SH3D19: variants seen among roughly 807,000 people sequenced by gnomAD.
SH3D19 encodes the protein SH3 domain containing 19.
SH3D19 carries 58 observed loss-of-function variants against 112.1 expected under a neutral mutation model. The observed-to-expected ratio is 0.52, with a 90% CI of 0.42 to 0.64. SH3D19 has a LOEUF of 0.64. Ranked by LOEUF, SH3D19 falls within the 30% of genes least tolerant of loss-of-function variation. SH3D19 has a pLI of 0.00. For missense variants in SH3D19, 1,090 were observed against 1,263.4 expected, an observed-to-expected ratio of 0.86 and a Z score of 2.08; for synonymous variants, 391 against 448.5, an observed-to-expected ratio of 0.87 and a Z score of 1.62.
intron 1 of SH3D19, among the ~76,000 whole-genome samples, chr4:151,292,984 G>A (rs1775449513): frequency 6.6e-6 from 1 of 151,976 alleles, no homozygotes; most frequent in African/African-American, 2.4e-5. Flanking sequence ...GCCAGGCATG[G>A]TGGCGGGTGC....
intron 1 of SH3D19, among the ~76,000 whole-genome samples, chr4:151,287,619 T>C (rs1301166317): frequency 6.6e-6 from 1 of 152,024 alleles, no homozygotes; most frequent in Non-Finnish European, 1.5e-5. Context: ...CTTTTTAGGA[T>C]GTGGTGACTC....
At chr4:151,318,915 A>G (rs1042070059) in intron 1 of SH3D19, among the ~76,000 whole-genome samples, 1 of 152,208 alleles carries the variant, frequency 6.6e-6, no homozygotes, top group Non-Finnish European at 1.5e-5. Context: ...TCTTCTTTAA[A>G]GTGTAACAGT....
intron 1 of SH3D19, among the ~76,000 whole-genome samples, chr4:151,278,036 G>A (rs1309715992): frequency 2.0e-5 from 3 of 151,284 alleles, no homozygotes; most frequent in Non-Finnish European, 4.4e-5. Context: ...GTAAGACCCC[G>A]TCCCCCCAAA....
At chr4:151,298,627 G>T (rs776826584) in intron 1 of SH3D19, among the ~76,000 whole-genome samples, 1 of 131,228 alleles carries the variant, frequency 7.6e-6, no homozygotes, top group Non-Finnish European at 1.7e-5. Flanking sequence ...GAGAGGGCAG[G>T]ACTAGAGAAA....
At chr4:151,240,968 C>G (rs1238331412) in intron 1 of SH3D19, among the ~76,000 whole-genome samples, 1 of 151,868 alleles carries the variant, frequency 6.6e-6, no homozygotes, top group Non-Finnish European at 1.5e-5. Context: ...GAACGAAGTA[C>G]TGGTCCATGC....
At chr4:151,315,174 C>G (rs1369043608) in intron 1 of SH3D19, among the ~76,000 whole-genome samples, 1 of 152,182 alleles carries the variant, frequency 6.6e-6, no homozygotes, top group Non-Finnish European at 1.5e-5. Context: ...ATTATTCACC[C>G]TTTCTAGGCC....
intron 1 of SH3D19, among the ~76,000 whole-genome samples, chr4:151,314,508 C>T (rs1193765320): frequency 6.6e-6 from 1 of 152,158 alleles, no homozygotes; most frequent in Non-Finnish European, 1.5e-5. Context: ...ACCTAACTAA[C>T]ATGTCCAAGG....
intron 2 of SH3D19, among the ~76,000 whole-genome samples, chr4:151,209,701 A>G (rs1765655717): frequency 6.6e-6 from 1 of 152,334 alleles, no homozygotes; most frequent in Admixed American, 6.5e-5. Context: ...AAATTTGGGC[A>G]CAGACAGTCC....
intron 3 of SH3D19, 36 bp from the exon 4 acceptor site, chr4:151,179,433 T>G (rs1031227859): frequency 9.0e-5 from 107 of 1,194,454 alleles, no homozygotes; most frequent in Admixed American, 2.1e-4. Context: ...TAGTACAAAA[T>G]TAGTATGTTT....
chr4:151,201,083 T>C (rs537131510), intron 2 of SH3D19, among the ~76,000 whole-genome samples: 14 of 152,344 alleles, frequency 9.2e-5, no homozygotes, highest in Non-Finnish European at 1.8e-4. Context: ...ATAATTTGTG[T>C]GCTATTTTTA....
intron 10 of SH3D19, among the ~76,000 whole-genome samples, 172 bp downstream of exon 10, chr4:151,149,328 C>A (rs573695012): frequency 7.2e-5 from 11 of 152,122 alleles, no homozygotes; most frequent in Admixed American, 2.6e-4. Context: ...AGCAGAGATT[C>A]CCACAACCTA....
chr4:151,270,615 G>A (rs1773163349), intron 1 of SH3D19, among the ~76,000 whole-genome samples: 1 of 121,052 alleles, frequency 8.3e-6, no homozygotes, highest in Admixed American at 8.3e-5. Flanking sequence ...TATACAACTG[G>A]CAGTCAGTAG....
At chr4:151,151,910 T>C (rs556954752) in intron 9 of SH3D19, among the ~76,000 whole-genome samples, 4 of 152,338 alleles carry the variant, frequency 2.6e-5, no homozygotes, top group East Asian at 1.9e-4. Flanking sequence ...AATAGATATA[T>C]AAATTTGACA....
intron 3 of SH3D19, among the ~76,000 whole-genome samples, chr4:151,182,794 T>G (rs1448408894): frequency 1.3e-5 from 2 of 152,184 alleles, no homozygotes; most frequent in African/African-American, 4.8e-5. Flanking sequence ...TCATTCTCAC[T>G]TTCCCAGATT....
At chr4:151,203,048 G>A (rs759990942) in intron 2 of SH3D19, among the ~76,000 whole-genome samples, 35 of 152,324 alleles carry the variant, frequency 2.3e-4, no homozygotes, top group Admixed American at 2.6e-4. Context: ...CGAGGAAAGA[G>A]AAATGTGACT....
intron 1 of SH3D19, chr4:151,282,191 A>G: frequency 2.5e-6 from 4 of 1,613,942 alleles, no homozygotes; most frequent in Non-Finnish European, 3.4e-6. Flanking sequence ...AGGATCGATT[A>G]CAGTAGGTGA....
intron 1 of SH3D19, among the ~76,000 whole-genome samples, chr4:151,306,065 T>C (rs80180818): frequency 0.015 from 2,232 of 152,258 alleles, 28 homozygotes; most frequent in Non-Finnish European, 0.025. Context: ...TTCATTTATT[T>C]AATATTCTAG....
At position 151,165,988 on chromosome 4, in the gene SH3D19, G is replaced by C. The variant is rs1439772317; in HGVS notation, c.1535-292C>G. On this transcript the variant is annotated intron_variant, in intron 7 of 19. Transcript: ENST00000604030. ...AGGGGAGTGTAATCATTTCATACGT[G>C]TCTGCCTGAAAATGAGGGGCAACTG... 3 of 242,210 alleles carry C rather than the reference G, an allele frequency of 1.2e-5. No homozygotes were observed. The East Asian group carries it at 3.0e-4, about 24-fold the overall frequency. The allele number at this position is 242,210 out of a possible 1,614,324, so 15.0% of individuals were successfully genotyped here.
intron 11 of SH3D19, chr4:151,144,286 C>G (rs371533943): frequency 5.6e-6 from 9 of 1,613,778 alleles, no homozygotes; most frequent in African/African-American, 2.7e-5. Context: ...GAGGCACAGA[C>G]AGCTTAAACG....
Sources: allele counts gnomAD v4.1 joint callset (sites outside exome capture counted in the v4.1 genomes callset), GRCh38; gene constraint gnomAD v4.1.1; transcripts MANE v1.5; gene names NCBI Gene and HGNC (gene_info 2026-07-23, HGNC 2026-07-21).